The following MID1IP1 variants were observed in gnomAD, a reference collection of about 807,000 sequenced individuals.
The protein encoded by MID1IP1 is MID1 interacting protein 1.
Under a neutral mutation model 6.8 loss-of-function variants are expected in MID1IP1, and 3 were observed. That is an observed-to-expected ratio of 0.44 (90% CI 0.20 to 1.14). The LOEUF (loss-of-function observed/expected upper bound fraction) is 1.14, where lower values mean the gene tolerates loss of function less well. Among genes scored for constraint, MID1IP1 ranks in the 50% most tolerant of loss-of-function variants. MID1IP1 has a pLI of 0.26. For missense variants in MID1IP1, 127 were observed against 158.4 expected (o/e 0.80, Z 1.06); for synonymous variants, 87 against 70.4 (o/e 1.24, Z -1.18).
chrX:38,805,570 T>G lies in MID1IP1; in HGVS notation c.*72T>G. On this transcript the variant is annotated 3_prime_UTR_variant, in exon 3 of 3. Coordinates refer to ENST00000614558, the MANE Select transcript of MID1IP1 (RefSeq NM_021242.6). ...CCTCTCTCATTCCTCAAAGCTTTTT[T>G]TTTTTTTCCTGGCTGGGGGGCGGGA... 1 of 1,026,044 alleles carries G rather than the reference T, an allele frequency of 9.7e-7. No individual in the cohort carries two copies. The highest frequency in any genetic ancestry group is 1.3e-6 in the Non-Finnish European group (1 of 756,095). The allele number at this position is 1,026,044 out of a possible 1,213,427, so 84.6% of individuals were successfully genotyped here. A position where few individuals can be genotyped will look rare whatever the true frequency, so the allele number is the denominator to read the frequency against.
In MID1IP1 at chrX:38,803,386, C is replaced by T. The variant is rs2070475651; in HGVS notation, c.-1292C>T. ...ACCCAAGACTAGACCTAACTACTGT[C>T]ACCCTCTCCTGGCCTCTTGGCAGCC... is the stretch of plus-strand genomic sequence containing the variant. On this transcript the variant is annotated 5_prime_UTR_variant, in exon 2 of 3. Coordinates refer to ENST00000614558, the MANE Select transcript of MID1IP1 (RefSeq NM_021242.6). 1 of 113,161 alleles carries T rather than the reference C, an allele frequency of 8.8e-6. No individual in the cohort carries two copies. Among genetic ancestry groups the T allele is most frequent in the Admixed American group, 9.2e-5 (1 of 10,814 alleles). 9.3% of individuals were successfully genotyped at this position (113,161 alleles called of 1,213,427 possible). A position where few individuals can be genotyped will look rare whatever the true frequency, so the allele number is the denominator to read the frequency against.
At position 38,805,612 on chromosome X, in the gene MID1IP1, TG is replaced by T; in HGVS notation, c.*120del. ...GGGGCGGGAAGGGCAGACTGCAAAC[TG>T]GGGGGCTGCGTACGTGCAGGAGGCG... is the stretch of plus-strand genomic sequence containing the variant. On this transcript the variant is annotated 3_prime_UTR_variant, in exon 3 of 3. Transcript: ENST00000614558. 4.9e-6 allele frequency: 2 copies of T among 407,814 alleles called. No homozygotes were observed. The highest frequency in any genetic ancestry group is 7.1e-6 in the Non-Finnish European group (2 of 282,617). 33.6% of individuals were successfully genotyped at this position (407,814 alleles called of 1,213,427 possible).
chrX:38,804,665 T>G lies in MID1IP1; in HGVS notation c.-264-18T>G. The G allele has an allele frequency of 3.2e-6, 1 of 312,004 alleles. No homozygotes were observed. Among genetic ancestry groups the G allele is most frequent in the South Asian group, 1.1e-4 (1 of 8,948 alleles). 25.7% of individuals were successfully genotyped at this position (312,004 alleles called of 1,213,427 possible). A position where few individuals can be genotyped will look rare whatever the true frequency, so the allele number is the denominator to read the frequency against. On this transcript the variant is annotated intron_variant, in intron 2 of 2. Transcript: ENST00000614558. ...GTGAATAATCTAATCTGTTCTTTCG[T>G]CTCCGTGTATCAAACAGGCCAGGGC... is the stretch of plus-strand genomic sequence containing the variant.
rs1569332341 is a variant in MID1IP1, at chrX:38,804,765, G to A, written c.-182G>A. ...CAGGAGAAGCCGCCCATCCCGCAGGGCCGGTCTGCCAGCGAGACGAGAGTT... is the reference window on the plus strand; with the variant it reads ...CAGGAGAAGCCGCCCATCCCGCAGGACCGGTCTGCCAGCGAGACGAGAGTT... On this transcript the variant is annotated 5_prime_UTR_variant, in exon 3 of 3. Transcript: ENST00000614558. 1.3e-5 allele frequency: 6 copies of A among 469,624 alleles called. No homozygotes were observed. The highest frequency in any genetic ancestry group is 9.7e-5 in the African/African-American group (4 of 41,324). The allele number at this position is 469,624 out of a possible 1,213,427, so 38.7% of individuals were successfully genotyped here.
In MID1IP1 at chrX:38,805,342, C is replaced by G. The variant is rs1208599280; in HGVS notation, c.396C>G (p.His132Gln). The change falls in exon 3 of 3, where the codon CAC (histidine) becomes CAG (glutamine). Residue 132 changes from histidine (H) to glutamine (Q), a missense_variant. His to Gln is a conservative substitution (Grantham distance 24, BLOSUM62 0). Coordinates refer to ENST00000614558, the MANE Select transcript of MID1IP1 (RefSeq NM_021242.6). The stretch of plus-strand genomic sequence containing the variant: ...AGGACATCCTGGTGGACCTGGGCCA[C>G]TTGGAGGGTGCGGACGCCGGCGAAG... ...KSKDILVDLG[H>Q]LEGADAGEED... 1 of 1,206,930 alleles carries G rather than the reference C, an allele frequency of 8.3e-7. No homozygotes were observed. Among genetic ancestry groups the G allele is most frequent in the Non-Finnish European group, 1.1e-6 (1 of 894,322 alleles).
chrX:38,804,884 C>T lies in MID1IP1; in HGVS notation c.-63C>T. 2.7e-6 allele frequency: 3 copies of T among 1,117,477 alleles called. No homozygotes were observed. In the South Asian group the frequency reaches 6.3e-5, roughly 24 times the overall value. 92.1% of individuals were successfully genotyped at this position (1,117,477 alleles called of 1,213,427 possible). On this transcript the variant is annotated 5_prime_UTR_variant, in exon 3 of 3. Coordinates refer to ENST00000614558, the MANE Select transcript of MID1IP1 (RefSeq NM_021242.6). ...GAGAGCGCGTGAAGGCGGGCATCCC[C>T]TTGACCCGGCCGACCATCCCCGTGC... is the stretch of plus-strand genomic sequence containing the variant.
rs2070514220 is a variant in MID1IP1, at chrX:38,805,842, C to A, written c.*344C>A. ...TCGGAGGAGAGGGCCCGAGAAGGGGCCATACCAGGGCGCGGCGCTGGGTTG... is the reference window on the plus strand; with the variant it reads ...TCGGAGGAGAGGGCCCGAGAAGGGGACATACCAGGGCGCGGCGCTGGGTTG... On this transcript the variant is annotated 3_prime_UTR_variant, in exon 3 of 3. Coordinates refer to ENST00000614558, the MANE Select transcript of MID1IP1 (RefSeq NM_021242.6). 2.7e-5 allele frequency: 6 copies of A among 222,921 alleles called. No homozygotes were observed. Among genetic ancestry groups the A allele is most frequent in the Non-Finnish European group, 5.1e-5 (6 of 118,311 alleles). The allele number at this position is 222,921 out of a possible 1,213,427, so 18.4% of individuals were successfully genotyped here.
rs1315596814 is a variant in MID1IP1, at chrX:38,803,138, G to A, written c.-1540G>A. On this transcript the variant is annotated 5_prime_UTR_variant, in exon 2 of 3. Coordinates refer to ENST00000614558, the MANE Select transcript of MID1IP1 (RefSeq NM_021242.6). ...ACTGGTGGATGAGGAATATGGCAAG[G>A]GACATGAGATGGGAAAAATTAAATA... The A allele has an allele frequency of 8.9e-6, 1 of 112,594 alleles. No homozygotes were observed. The highest frequency in any genetic ancestry group is 1.9e-5 in the Non-Finnish European group (1 of 53,303). 9.3% of individuals were successfully genotyped at this position (112,594 alleles called of 1,213,427 possible).
At chrX:38,801,911 A>G (rs773264226) in intron 1 of MID1IP1, 1 of 112,383 alleles carries the variant, frequency 8.9e-6, no homozygotes, top group African/African-American at 3.2e-5. Context: ...AAGGGGGACA[A>G]AGTACGCTTT....
In MID1IP1 at chrX:38,805,769, G is replaced by T. The variant is rs1252502696; in HGVS notation, c.*271G>T. On this transcript the variant is annotated 3_prime_UTR_variant, in exon 3 of 3. Coordinates refer to ENST00000614558, the MANE Select transcript of MID1IP1 (RefSeq NM_021242.6). ...TTGGTGGGAATGGGACTGGGCTGAC[G>T]CCCTGCATTCAGCCTGTGCCTTTCC... The T allele has an allele frequency of 7.5e-6, 3 of 401,349 alleles. No homozygotes were observed. In the South Asian group the frequency reaches 1.2e-4, roughly 16 times the overall value. The allele number at this position is 401,349 out of a possible 1,213,427, so 33.1% of individuals were successfully genotyped here.
In MID1IP1 at chrX:38,802,512, TTTTG is replaced by T. The variant is rs1159457471; in HGVS notation, c.-2143-15_-2143-12del. ...TCCAAGGGTCACTGACTTTGTTTTGTTTTGTTTGTTTTTTGTCAACAGATTAGTC... is the reference window on the plus strand; with the variant it reads ...TCCAAGGGTCACTGACTTTGTTTTGTTTTGTTTTTTGTCAACAGATTAGTC... On this transcript the variant is annotated intron_variant, in intron 1 of 2. Transcript: ENST00000614558. 8.9e-6 allele frequency: 1 copy of T among 112,143 alleles called. No individual in the cohort carries two copies. Among genetic ancestry groups the T allele is most frequent in the African/African-American group, 3.2e-5 (1 of 30,835 alleles). 9.2% of individuals were successfully genotyped at this position (112,143 alleles called of 1,213,427 possible).
In MID1IP1 at chrX:38,804,946, C is replaced by A. The variant is rs140014335; in HGVS notation, c.-1C>A. On this transcript the variant is annotated 5_prime_UTR_variant, in exon 3 of 3. Transcript: ENST00000614558. Reference sequence around the variant, plus strand: ...TGCGCTCCAACGTCCGCGCGGCCACCATGATGCAAATCTGCGACACCTACA... The same window carrying A: ...TGCGCTCCAACGTCCGCGCGGCCACAATGATGCAAATCTGCGACACCTACA... 1.0e-5 allele frequency: 12 copies of A among 1,167,609 alleles called. No homozygotes were observed. In the African/African-American group the frequency reaches 2.1e-4, roughly 21 times the overall value.
chrX:38,801,728 T>C (rs1259827577), intron 1 of MID1IP1: 1 of 111,555 alleles, frequency 9.0e-6, no homozygotes, highest in Non-Finnish European at 1.9e-5. Flanking sequence ...GCGTTTTTGC[T>C]GGGTGGAATC....
Position 38,805,191 on chromosome X carries a change from C to T in MID1IP1, c.245C>T (p.Ala82Val). The change falls in exon 3 of 3, where the codon GCG becomes GTG. Residue 82 changes from alanine to valine, a missense_variant. Transcript: ENST00000614558. ...GGAAGCGCCAATGGCAGCTTTTTCGCGCCCTCTCGGGACATGTACAGCCAC... is the reference window on the plus strand; with the variant it reads ...GGAAGCGCCAATGGCAGCTTTTTCGTGCCCTCTCGGGACATGTACAGCCAC... ...DSGSANGSFFAPSRDMYSHYV... is the reference protein window; with the variant it reads ...DSGSANGSFFVPSRDMYSHYV... 8.3e-7 allele frequency: 1 copy of T among 1,210,155 alleles called. No homozygotes were observed. Among genetic ancestry groups the T allele is most frequent in the Non-Finnish European group, 1.1e-6 (1 of 894,863 alleles).
Position 38,802,794 on chromosome X carries a change from G to A in MID1IP1, c.-1884G>A, listed in dbSNP as rs2070469037. The A allele has an allele frequency of 9.0e-6, 1 of 110,758 alleles. No homozygotes were observed. Among genetic ancestry groups the A allele is most frequent in the African/African-American group, 3.3e-5 (1 of 30,306 alleles). The allele number at this position is 110,758 out of a possible 1,213,427, so 9.1% of individuals were successfully genotyped here. A position where few individuals can be genotyped will look rare whatever the true frequency, so the allele number is the denominator to read the frequency against. ...AGACAGAGTCTTGCTCTGTCGCCCA[G>A]GCTGGAGTGCAGTGGCACGATCTCG... On this transcript the variant is annotated 5_prime_UTR_variant, in exon 2 of 3. Coordinates refer to ENST00000614558, the MANE Select transcript of MID1IP1 (RefSeq NM_021242.6).
chrX:38,805,552 C>G lies in MID1IP1; in HGVS notation c.*54C>G. On this transcript the variant is annotated 3_prime_UTR_variant, in exon 3 of 3. Transcript: ENST00000614558. ...TTCTTCGACCCATCTCACCCTCTCTCATTCCTCAAAGCTTTTTTTTTTTTT... is the reference window on the plus strand; with the variant it reads ...TTCTTCGACCCATCTCACCCTCTCTGATTCCTCAAAGCTTTTTTTTTTTTT... The G allele has an allele frequency of 9.7e-7, 1 of 1,029,324 alleles. No homozygotes were observed. Among genetic ancestry groups the G allele is most frequent in the East Asian group, 3.1e-5 (1 of 31,971 alleles). The allele number at this position is 1,029,324 out of a possible 1,213,427, so 84.8% of individuals were successfully genotyped here.
chrX:38,805,387 C>T lies in MID1IP1; in HGVS notation c.441C>T (p.Phe147=), dbSNP rs758461517. 9.1e-6 allele frequency: 11 copies of T among 1,208,497 alleles called. No individual in the cohort carries two copies. In the South Asian group the frequency reaches 1.9e-4, roughly 21 times the overall value. ...GCGAAGAAGACCTGGAACAGCAGTT[C>T]CACTACCACCTGCGCGGGCTGCACA... ...DAGEEDLEQQ[F]HYHLRGLHTV... Residue 147 remains phenylalanine (F), a synonymous_variant, in exon 3 of 3, where the codon TTC becomes TTT. Coordinates refer to ENST00000614558, the MANE Select transcript of MID1IP1 (RefSeq NM_021242.6).
At position 38,805,190 on chromosome X, in the gene MID1IP1, G is replaced by A. The variant is rs760940489; in HGVS notation, c.244G>A (p.Ala82Thr). The A allele has an allele frequency of 5.8e-6, 7 of 1,210,046 alleles. No individual in the cohort carries two copies. Among genetic ancestry groups the A allele is most frequent in the Admixed American group, 2.2e-5 (1 of 45,938 alleles). The change falls in exon 3 of 3, where the codon GCG becomes ACG. Residue 82 changes from alanine (A) to threonine (T), a missense_variant. Transcript: ENST00000614558. ...GGGAAGCGCCAATGGCAGCTTTTTC[G>A]CGCCCTCTCGGGACATGTACAGCCA... ...DSGSANGSFFAPSRDMYSHYV... is the reference protein window; with the variant it reads ...DSGSANGSFFTPSRDMYSHYV...
chrX:38,802,965 T>A lies in MID1IP1; in HGVS notation c.-1713T>A, dbSNP rs1277587919. On this transcript the variant is annotated 5_prime_UTR_variant, in exon 2 of 3. Coordinates refer to ENST00000614558, the MANE Select transcript of MID1IP1 (RefSeq NM_021242.6). ...GGTTTCACCATGTTGGCCAGGCTAG[T>A]CTGGAACCCCTGACTTTGTGATCCG... 3 of 112,113 alleles carry A rather than the reference T, an allele frequency of 2.7e-5. No homozygotes were observed. Among genetic ancestry groups the A allele is most frequent in the African/African-American group, 9.8e-5 (3 of 30,742 alleles). 9.2% of individuals were successfully genotyped at this position (112,113 alleles called of 1,213,427 possible).
Sources: allele counts gnomAD v4.1 joint callset, GRCh38; gene constraint gnomAD v4.1.1; transcripts MANE v1.5; gene names NCBI Gene and HGNC (gene_info 2026-07-23, HGNC 2026-07-21).